Variants in TDRD1 observed in about 807,000 individuals in gnomAD.
The protein encoded by TDRD1 is tudor domain containing 1.
Under a neutral mutation model 140.6 loss-of-function variants are expected in TDRD1, and 37 were observed. The ratio of observed to expected loss-of-function variants is 0.26; its 90% CI spans 0.20 to 0.35. The LOEUF (loss-of-function observed/expected upper bound fraction) is 0.35. Ranked by LOEUF, TDRD1 falls within the 10% of genes least tolerant of loss-of-function variation. The probability of loss-of-function intolerance (pLI) is 1.00; values close to 1 mark genes in which losing one functional copy is unlikely to be tolerated. For synonymous variants in TDRD1, 506 were observed against 475.7 expected, an observed-to-expected ratio of 1.06 and a Z score of -0.83; for missense variants, 1,243 against 1,393.0, an observed-to-expected ratio of 0.89 and a Z score of 1.71.
At chr10:114,206,188 C>A in intron 10 of TDRD1, 56 bp from the exon 11 acceptor site, 2 of 1,294,110 alleles carry the variant, frequency 1.5e-6, no homozygotes, top group Non-Finnish European at 2.2e-6. Flanking sequence ...TACGCTTTTC[C>A]CATAATTCTT....
At chr10:114,176,051 T>C (rs2032689010), upstream of TDRD1, among the ~76,000 whole-genome samples, 1 of 152,132 alleles carries the variant, frequency 6.6e-6, no homozygotes, top group South Asian at 2.1e-4. This position sits in a 1 kb window ranked among gnomAD's most constrained non-coding sequence, Gnocchi z 4.2. Flanking sequence ...CCTGATGAAA[T>C]AATGGATCTA....
exon 8 of TDRD1, chr10:114,203,525 T>C: frequency 6.2e-7 from 1 of 1,612,264 alleles, no homozygotes; most frequent in East Asian, 2.2e-5. Context: ...ACTATATTCC[T>C]GTTAAGGGGG....
chr10:114,199,513 G>A (rs557272353), intron 4 of TDRD1, among the ~76,000 whole-genome samples, 196 bp downstream of exon 4: 19 of 152,248 alleles, frequency 1.2e-4, no homozygotes, highest in South Asian at 4.1e-4. Context: ...CTTCCTCAGC[G>A]GATTATTATA....
intron 11 of TDRD1, among the ~76,000 whole-genome samples, chr10:114,207,587 G>A (rs1221522526): frequency 6.6e-6 from 1 of 152,058 alleles, no homozygotes; most frequent in Non-Finnish European, 1.5e-5. Context: ...TTTAGAGAAG[G>A]AAACCAAACA....
At chr10:114,204,159 A>C (rs1256823702) in exon 9 of TDRD1, 1 of 1,602,072 alleles carries the variant, frequency 6.2e-7, no homozygotes, top group African/African-American at 1.3e-5. Context: ...ATGAAGAAAT[A>C]ATTCCATTAA....
At chr10:114,197,349 A>G (rs1468955717) in intron 3 of TDRD1, among the ~76,000 whole-genome samples, 1 of 152,106 alleles carries the variant, frequency 6.6e-6, no homozygotes, top group East Asian at 1.9e-4. Flanking sequence ...CCATTATGCT[A>G]GTGAGTCTGC....
chr10:114,179,607 T>A (rs2032861305), intron 1 of TDRD1, 191 bp downstream of exon 1: 1 of 152,250 alleles, frequency 6.6e-6, no homozygotes, highest in South Asian at 2.1e-4. Context: ...GAGGATTCTC[T>A]GAGTTTGGAA....
At chr10:114,203,642 T>A in intron 8 of TDRD1, 75 bp downstream of exon 8, 1 of 1,308,886 alleles carries the variant, frequency 7.6e-7, no homozygotes, top group Admixed American at 2.2e-5. Context: ...CCAGAGCTTT[T>A]AATGATGCAT....
At chr10:114,218,706 C>A in intron 18 of TDRD1, 122 bp downstream of exon 18, 1 of 732,242 alleles carries the variant, frequency 1.4e-6, no homozygotes, top group Non-Finnish European at 2.0e-6. Context: ...TATTATAAAA[C>A]TTAGAAATTT....
chr10:114,207,775 A>C (rs866338971), intron 11 of TDRD1, among the ~76,000 whole-genome samples: 3 of 151,950 alleles, frequency 2.0e-5, no homozygotes, highest in African/African-American at 4.8e-5. Context: ...CAGGAGGGGG[A>C]GTCATCAGTA....
At chr10:114,194,627 A>AT (rs1297764139) in intron 3 of TDRD1, among the ~76,000 whole-genome samples, 28 of 144,750 alleles carry the variant, frequency 1.9e-4, no homozygotes, top group Admixed American at 1.6e-3. Flanking sequence ...TCTTTGTTTC[A>AT]TTTTTTTTCC....
At chr10:114,204,625 G>C in intron 9 of TDRD1, 97 bp from the exon 10 acceptor site, 6 of 1,259,714 alleles carry the variant, frequency 4.8e-6, no homozygotes, top group Non-Finnish European at 6.5e-6. Flanking sequence ...TTTGTGATAA[G>C]TTTTCAGCAT....
chr10:114,211,743 C>A, intron 13 of TDRD1, 123 bp from the exon 14 acceptor site: 1 of 959,356 alleles, frequency 1.0e-6, no homozygotes, highest in Non-Finnish European at 1.5e-6. Flanking sequence ...AAACATTGTT[C>A]TATAAGCTTG....
intron 3 of TDRD1, among the ~76,000 whole-genome samples, chr10:114,193,311 T>TTTTTG (rs2034117417): frequency 6.9e-6 from 1 of 145,534 alleles, no homozygotes; most frequent in African/African-American, 2.5e-5. Context: ...TTTTTTTTTT[T>TTTTTG]GAGACAGTTT....
At chr10:114,177,586 A>G (rs2032724450), upstream of TDRD1, among the ~76,000 whole-genome samples, 1 of 152,220 alleles carries the variant, frequency 6.6e-6, no homozygotes, top group African/African-American at 2.4e-5. Flanking sequence ...GGCCAAGAAG[A>G]GCCTAAGGAT....
intron 1 of TDRD1, among the ~76,000 whole-genome samples, chr10:114,184,552 C>T (rs2033366384): frequency 1.3e-5 from 2 of 152,244 alleles, no homozygotes; most frequent in Admixed American, 6.5e-5. Flanking sequence ...AGAGCTTTCT[C>T]AGAAGCCCCC....
intron 3 of TDRD1, among the ~76,000 whole-genome samples, chr10:114,191,296 C>T (rs1403641309): frequency 1.3e-5 from 2 of 152,174 alleles, no homozygotes; most frequent in African/African-American, 2.4e-5. Context: ...TATTGATACA[C>T]CATCAAGATA....
chr10:114,210,112 T>C (rs1447413877), intron 11 of TDRD1, among the ~76,000 whole-genome samples: 3 of 152,216 alleles, frequency 2.0e-5, no homozygotes, highest in African/African-American at 7.2e-5. Context: ...TTATGTTGCT[T>C]GTATCTTTTT....
chr10:114,220,735 C>G, exon 19 of TDRD1: 1 of 1,613,028 alleles, frequency 6.2e-7, no homozygotes, highest in East Asian at 2.2e-5. Flanking sequence ...TAGTGATGTT[C>G]TGATTGATGA....
Sources: allele counts gnomAD v4.1 joint callset (sites outside exome capture counted in the v4.1 genomes callset), GRCh38; gene constraint gnomAD v4.1.1; non-coding constraint Gnocchi (gnomAD v3.1); transcripts MANE v1.5; gene names NCBI Gene and HGNC (gene_info 2026-07-23, HGNC 2026-07-21).